The following ESD variants were observed in gnomAD, a reference collection of about 807,000 sequenced individuals.
ESD encodes S-formylglutathione hydrolase.
Under a neutral mutation model 38.1 loss-of-function variants are expected in ESD, and 34 were observed. The observed-to-expected ratio is 0.89, with a 90% confidence interval of 0.68 to 1.19. The LOEUF (loss-of-function observed/expected upper bound fraction) is 1.19, where lower values mean the gene tolerates loss of function less well. Among genes scored for constraint, ESD ranks in the 50% most tolerant of loss-of-function variants. The pLI is 0.00. For missense variants in ESD, 334 were observed against 327.2 expected (o/e 1.02, Z -0.16); for synonymous variants, 97 against 107.0 (o/e 0.91, Z 0.58).
intron 3 of ESD, 88 bp downstream of exon 3, chr13:46,791,258 A>G: frequency 1.1e-6 from 1 of 943,262 alleles, no homozygotes; most frequent in Non-Finnish European, 1.7e-6. Flanking sequence ...ATGAGGTACT[A>G]TAATATCTAG....
In ESD at chr13:46,771,263, TA is replaced by T; in HGVS notation, c.*152del. The T allele has an allele frequency of 2.0e-6, 1 of 511,592 alleles. No individual in the cohort carries two copies. Among genetic ancestry groups the T allele is most frequent in the Non-Finnish European group, 3.5e-6 (1 of 289,790 alleles). The allele number at this position is 511,592 out of a possible 1,614,324, so 31.7% of individuals were successfully genotyped here. On this transcript the variant is annotated 3_prime_UTR_variant, in exon 10 of 10. Transcript: ENST00000378720. ...AACTTTTAAAATCAGAAGTAGGTTTTATATCTTTATTCAGAGGTGATTCAAC... is the reference window on the plus strand; with the variant it reads ...AACTTTTAAAATCAGAAGTAGGTTTTTATCTTTATTCAGAGGTGATTCAAC...
intron 7 of ESD, among the ~76,000 whole-genome samples, 188 bp from the exon 8 acceptor site, chr13:46,780,221 A>T (rs928157884): frequency 6.6e-6 from 1 of 151,654 alleles, no homozygotes; most frequent in African/African-American, 2.4e-5. Context: ...GCCTTTCCAT[A>T]ATACATCTTT....
chr13:46,774,335 A>G (rs1173303035), intron 9 of ESD, among the ~76,000 whole-genome samples: 1 of 152,216 alleles, frequency 6.6e-6, no homozygotes, highest in Non-Finnish European at 1.5e-5. Flanking sequence ...AAAAGGCAAT[A>G]GAATACATTT....
intron 1 of ESD, among the ~76,000 whole-genome samples, chr13:46,795,969 C>T (rs1875560210): frequency 6.6e-6 from 1 of 151,974 alleles, no homozygotes; most frequent in South Asian, 2.1e-4. Flanking sequence ...GGTCTCTTTT[C>T]CTTCATAAAA....
chr13:46,786,469 G>A (rs1032331004), intron 4 of ESD, among the ~76,000 whole-genome samples: 2 of 151,964 alleles, frequency 1.3e-5, no homozygotes, highest in African/African-American at 2.4e-5. Context: ...AAAACTGCAG[G>A]TGTCAAAATC....
intron 8 of ESD, among the ~76,000 whole-genome samples, chr13:46,778,866 A>C (rs1266101156): frequency 6.6e-6 from 1 of 151,896 alleles, no homozygotes; most frequent in African/African-American, 2.4e-5. Flanking sequence ...TTAGAATTTC[A>C]GTAATCATCC....
rs946813566 is a variant in ESD, at chr13:46,771,588, G to A, written c.769-92C>T. ...ATATATCTCTAAGGTCGTTTAATTT[G>A]CTTACAAATAGTCATAACATTAAGG... On this transcript the variant is annotated intron_variant, in intron 9 of 9. Coordinates refer to ENST00000378720, the MANE Select transcript of ESD (RefSeq NM_001984.2). 35 of 763,390 alleles carry A rather than the reference G, an allele frequency of 4.6e-5. No homozygotes were observed. The Admixed American group carries it at 8.5e-4, about 18-fold the overall frequency. The allele number at this position is 763,390 out of a possible 1,614,324, so 47.3% of individuals were successfully genotyped here.
intron 3 of ESD, among the ~76,000 whole-genome samples, chr13:46,787,474 T>C (rs1029720999): frequency 5.9e-5 from 9 of 152,018 alleles, no homozygotes; most frequent in Admixed American, 5.9e-4. Flanking sequence ...AATGAATTCT[T>C]GAGATCTTAC....
chr13:46,787,236 C>T (rs1245527046), intron 3 of ESD, 127 bp from the exon 4 acceptor site: 1 of 491,638 alleles, frequency 2.0e-6, no homozygotes, highest in East Asian at 3.1e-5. Flanking sequence ...ATTTAATGTT[C>T]AAAATAAGTG....
At chr13:46,774,316 A>T (rs1186725548) in intron 9 of ESD, among the ~76,000 whole-genome samples, 1 of 152,210 alleles carries the variant, frequency 6.6e-6, no homozygotes, top group African/African-American at 2.4e-5. Flanking sequence ...ATTTTAAAAA[A>T]TGTCAACAAA....
chr13:46,782,165 G>C (rs967219391), intron 6 of ESD, among the ~76,000 whole-genome samples: 22 of 151,762 alleles, frequency 1.4e-4, no homozygotes, highest in Non-Finnish European at 2.2e-4. Flanking sequence ...AAACAGTCTG[G>C]AACATACCAA....
In ESD at chr13:46,787,063, T is replaced by TTGG; in HGVS notation, c.112_114dup (p.Pro38dup). On this transcript the variant is annotated inframe_insertion, in exon 4 of 10. Transcript: ENST00000378720. ...GCAGGGCACTTTCCTGTTTCTGCCT[T>TTGG]TGGTGGTAAGTAGACAGCAAATTTC... 6.3e-7 allele frequency: 1 copy of TTGG among 1,580,322 alleles called. No homozygotes were observed. Among genetic ancestry groups the TTGG allele is most frequent in the Non-Finnish European group, 8.6e-7 (1 of 1,157,422 alleles).
At chr13:46,794,395 C>T (rs987680801) in intron 1 of ESD, among the ~76,000 whole-genome samples, 4 of 152,058 alleles carry the variant, frequency 2.6e-5, no homozygotes, top group African/African-American at 9.7e-5. Context: ...AGTACAGTTG[C>T]ATAATCATGA....
chr13:46,777,222 T>C (rs1874827048), intron 9 of ESD: 1 of 305,256 alleles, frequency 3.3e-6, no homozygotes, highest in Non-Finnish European at 6.0e-6. Context: ...TGTTATTTAC[T>C]GGTTTGATGG....
chr13:46,777,978 C>T (rs952569789), intron 8 of ESD, among the ~76,000 whole-genome samples: 4 of 151,808 alleles, frequency 2.6e-5, no homozygotes, highest in African/African-American at 9.7e-5. Flanking sequence ...GTAACTCCTT[C>T]CACAAATTGG....
rs1484616573 is a variant in ESD at position 46,774,957 on chromosome 13, A to G, written c.768+2499T>C. Among the ~76,000 whole-genome samples, 6 of 152,266 alleles carry G rather than the reference A, an allele frequency of 3.9e-5. No individual in the cohort carries two copies. The East Asian group carries it at 9.7e-4, about 25-fold the overall frequency. On this transcript the variant is annotated intron_variant, in intron 9 of 9. Coordinates refer to ENST00000378720, the MANE Select transcript of ESD (RefSeq NM_001984.2). ...ATGCAGAGGCTAAAACAGCCTCTCAATCTTCAAAAAGGTCCTGAGACTTAA... is the reference window on the plus strand; with the variant it reads ...ATGCAGAGGCTAAAACAGCCTCTCAGTCTTCAAAAAGGTCCTGAGACTTAA...
At chr13:46,789,451 TTC>T (rs1875312534) in intron 3 of ESD, among the ~76,000 whole-genome samples, 1 of 152,200 alleles carries the variant, frequency 6.6e-6, no homozygotes, top group African/African-American at 2.4e-5. Flanking sequence ...TTAATCTACT[TTC>T]TCTTTTTCTC....
At chr13:46,782,925 G>T in intron 5 of ESD, 134 bp from the exon 6 acceptor site, 1 of 1,096,878 alleles carries the variant, frequency 9.1e-7, no homozygotes, top group African/African-American at 1.6e-5. Flanking sequence ...TCTGCCTTTT[G>T]GAGCACATGA....
intron 9 of ESD, chr13:46,775,684 C>A (rs758231376): frequency 6.4e-6 from 3 of 470,256 alleles, no homozygotes; most frequent in Non-Finnish European, 8.8e-6. Flanking sequence ...CACTCTTAAC[C>A]CGACCATGCT....
Sources: allele counts gnomAD v4.1 joint callset (sites outside exome capture counted in the v4.1 genomes callset), GRCh38; gene constraint gnomAD v4.1.1; transcripts MANE v1.5; gene names NCBI Gene and HGNC (gene_info 2026-07-23, HGNC 2026-07-21).